Variants in VANGL1 observed in about 807,000 individuals in gnomAD.
VANGL1 encodes the protein VANGL planar cell polarity protein 1.
In VANGL1, 18 loss-of-function variants were observed where a neutral mutation model predicts 48.4. The ratio of observed to expected loss-of-function variants is 0.37; its 90% CI spans 0.26 to 0.55. The LOEUF (loss-of-function observed/expected upper bound fraction) is 0.55. Ranked by LOEUF, VANGL1 falls within the 20% of genes least tolerant of loss-of-function variation. The probability of loss-of-function intolerance (pLI) is 0.81; values close to 1 mark genes in which losing one functional copy is unlikely to be tolerated. For synonymous variants in VANGL1, 257 were observed against 261.8 expected (o/e 0.98, Z 0.18); for missense variants, 667 against 675.8 (o/e 0.99, Z 0.14).
At chr1:115,652,916 T>A (rs1161348409) in intron 2 of VANGL1, among the ~76,000 whole-genome samples, 3 of 152,232 alleles carry the variant, frequency 2.0e-5, no homozygotes, top group Non-Finnish European at 4.4e-5. Flanking sequence ...GTTCAATTTT[T>A]TTTACAAGTG....
chr1:115,677,053 CT>C (rs1236503346), intron 4 of VANGL1, among the ~76,000 whole-genome samples: 3 of 152,218 alleles, frequency 2.0e-5, no homozygotes, highest in Non-Finnish European at 4.4e-5. Context: ...CTGTGCGTGC[CT>C]CCTCCCACAG....
chr1:115,682,641 T>G, intron 5 of VANGL1, 144 bp downstream of exon 5: 2 of 1,290,450 alleles, frequency 1.5e-6, no homozygotes, highest in Non-Finnish European at 2.2e-6. Context: ...CTCTTTTTTA[T>G]GTAGGCAGAC....
At position 115,664,000 on chromosome 1, in the gene VANGL1, G is replaced by C. The variant is rs1182365086; in HGVS notation, c.544G>C (p.Val182Leu). Residue 182 changes from valine to leucine, a missense_variant, in exon 4 of 8, where the codon GTG becomes CTG. Transcript: ENST00000355485. ...CAAGCGGAGAGCTGACATGCCACGG[G>C]TGTTTGTGTTTCGTGCCCTTTTGTT... ...FRKRRADMPR[V>L]FVFRALLLVL... 3 of 1,614,188 alleles carry C rather than the reference G, an allele frequency of 1.9e-6. No homozygotes were observed. The highest frequency in any genetic ancestry group is 2.5e-6 in the Non-Finnish European group (3 of 1,180,044).
chr1:115,652,897 T>A (rs967554227), intron 2 of VANGL1, among the ~76,000 whole-genome samples: 8 of 152,224 alleles, frequency 5.3e-5, no homozygotes, highest in African/African-American at 1.9e-4. Flanking sequence ...CATTTATCTT[T>A]TTGTACTTGT....
chr1:115,659,297 A>G (rs1284483572), intron 2 of VANGL1, among the ~76,000 whole-genome samples: 1 of 152,206 alleles, frequency 6.6e-6, no homozygotes, highest in Non-Finnish European at 1.5e-5. Flanking sequence ...TTATAACCAA[A>G]TCAAATCACT....
At chr1:115,661,672 C>T (rs1010623333) in intron 3 of VANGL1, among the ~76,000 whole-genome samples, 11 of 152,118 alleles carry the variant, frequency 7.2e-5, no homozygotes, top group Admixed American at 5.9e-4. Context: ...GGCTGGAGTG[C>T]AGCGGCATGA....
chr1:115,673,175 T>C (rs1570759815), intron 4 of VANGL1, among the ~76,000 whole-genome samples: 1 of 152,180 alleles, frequency 6.6e-6, no homozygotes, highest in South Asian at 2.1e-4. Flanking sequence ...TGGGCAGCCG[T>C]CAGTACTGGC....
Position 115,688,261 on chromosome 1 carries a change from C to T in VANGL1, c.1314+2734C>T, listed in dbSNP as rs1173073596. On this transcript the variant is annotated intron_variant, in intron 7 of 7. Coordinates refer to ENST00000355485, the MANE Select transcript of VANGL1 (RefSeq NM_138959.3). ...TATAACTCATTTCTGGTAATAGCTA[C>T]GTCTTATTCTACCAAATACCATGAT... 2.2e-5 allele frequency among the ~76,000 whole-genome samples: 3 copies of T among 138,258 alleles called. 1 individual carries two copies. Among genetic ancestry groups the T allele is most frequent in the African/African-American group, 5.4e-5 (2 of 36,766 alleles). 90.7% of individuals were successfully genotyped at this position (138,258 alleles called of 152,430 possible). A position where few individuals can be genotyped will look rare whatever the true frequency, so the allele number is the denominator to read the frequency against.
chr1:115,664,197 G>C lies in VANGL1; in HGVS notation c.741G>C (p.Gln247His), dbSNP rs1338394124. ...AIVLLELRQL[Q>H]PMFTLQVVRS... Reference sequence around the variant, plus strand: ...TCCTGCTGGAGCTCAGGCAGCTGCAGCCCATGTTCACGCTGCAGGTGGTCC... The same window carrying C: ...TCCTGCTGGAGCTCAGGCAGCTGCACCCCATGTTCACGCTGCAGGTGGTCC... Residue 247 changes from glutamine to histidine, a missense_variant, in exon 4 of 8, where the codon CAG becomes CAC. Physicochemically the swap from Gln to His is conservative, Grantham distance 24. Coordinates refer to ENST00000355485, the MANE Select transcript of VANGL1 (RefSeq NM_138959.3). 1 of 1,614,146 alleles carries C rather than the reference G, an allele frequency of 6.2e-7. No homozygotes were observed. Among genetic ancestry groups the C allele is most frequent in the African/African-American group, 1.3e-5 (1 of 75,068 alleles).
intron 1 of VANGL1, chr1:115,642,575 G>C (rs1336960658): frequency 1.3e-5 from 2 of 152,232 alleles, no homozygotes; most frequent in Non-Finnish European, 2.9e-5. Context: ...GCTCGACCCG[G>C]GCGCCGCCTG....
rs778250788 is a variant in VANGL1 at position 115,663,681 on chromosome 1, C to T, written c.225C>T (p.Thr75=). ...ACCAGGATGACAACTGGGGAGAGAC[C>T]ACCACGGCCATCACAGGCACCTCGG... is the stretch of plus-strand genomic sequence containing the variant. ...EEVQDDNWGE[T]TTAITGTSEH... The change falls in exon 4 of 8, where the codon ACC becomes ACT. Residue 75 remains threonine (T), a synonymous_variant. Coordinates refer to ENST00000355485, the MANE Select transcript of VANGL1 (RefSeq NM_138959.3). 1 of 1,614,118 alleles carries T rather than the reference C, an allele frequency of 6.2e-7. No homozygotes were observed. Among genetic ancestry groups the T allele is most frequent in the East Asian group, 2.2e-5 (1 of 44,868 alleles).
chr1:115,683,861 C>A, intron 5 of VANGL1, 83 bp from the exon 6 acceptor site: 2 of 1,562,662 alleles, frequency 1.3e-6, no homozygotes, highest in Non-Finnish European at 1.8e-6. Flanking sequence ...GTAGACAACA[C>A]TGACAGATTG....
rs1654090199 is a variant in VANGL1 at position 115,698,023 on chromosome 1, A to G, written c.*6644A>G. 1 of 152,196 alleles carries G rather than the reference A, an allele frequency of 6.6e-6. No individual in the cohort carries two copies. Among genetic ancestry groups the G allele is most frequent in the Non-Finnish European group, 1.5e-5 (1 of 68,032 alleles). The allele number at this position is 152,196 out of a possible 1,614,324, so 9.4% of individuals were successfully genotyped here. The stretch of plus-strand genomic sequence containing the variant: ...CCATTTACTTACATTCATAAGGTTT[A>G]TGCTATGAAACTTCTTCTCATTGTG... On this transcript the variant is annotated 3_prime_UTR_variant, in exon 8 of 8. Coordinates refer to ENST00000355485, the MANE Select transcript of VANGL1 (RefSeq NM_138959.3).
At chr1:115,642,415 G>A (rs1651765978) in intron 1 of VANGL1, among the ~76,000 whole-genome samples, 1 of 152,168 alleles carries the variant, frequency 6.6e-6, no homozygotes, top group South Asian at 2.1e-4. Flanking sequence ...TTTCTCCCCG[G>A]GCTGGCCTTT....
chr1:115,663,345 A>G (rs535266435), intron 3 of VANGL1, among the ~76,000 whole-genome samples: 6 of 152,322 alleles, frequency 3.9e-5, no homozygotes, highest in Non-Finnish European at 8.8e-5. Flanking sequence ...AAACAGCTCC[A>G]GGCCCTCAGA....
chr1:115,697,429 C>T lies in VANGL1; in HGVS notation c.*6050C>T, dbSNP rs1388939201. ...CGGTAGGCTTTAATTAAATGGCAAA[C>T]TCCTCTGGGACCCCTAAGTTATGGC... On this transcript the variant is annotated 3_prime_UTR_variant, in exon 8 of 8. Transcript: ENST00000355485. 1.3e-5 allele frequency: 2 copies of T among 152,192 alleles called. No homozygotes were observed. The highest frequency in any genetic ancestry group is 4.8e-5 in the African/African-American group (2 of 41,450). The allele number at this position is 152,192 out of a possible 1,614,324, so 9.4% of individuals were successfully genotyped here. A position where few individuals can be genotyped will look rare whatever the true frequency, so the allele number is the denominator to read the frequency against.
In VANGL1 at chr1:115,696,391, C is replaced by T. The variant is rs1654030234; in HGVS notation, c.*5012C>T. Reference sequence around the variant, plus strand: ...TCCCACCGTCTTTCTCACACTTGCCCCCAAGACTTTTGACAGAGCAGACGT... The same window carrying T: ...TCCCACCGTCTTTCTCACACTTGCCTCCAAGACTTTTGACAGAGCAGACGT... On this transcript the variant is annotated 3_prime_UTR_variant, in exon 8 of 8. Transcript: ENST00000355485. 2.0e-5 allele frequency: 3 copies of T among 152,228 alleles called. No homozygotes were observed. Among genetic ancestry groups the T allele is most frequent in the South Asian group, 4.1e-4 (2 of 4,824 alleles). The allele number at this position is 152,228 out of a possible 1,614,324, so 9.4% of individuals were successfully genotyped here.
Position 115,693,367 on chromosome 1 carries a change from T to C in VANGL1, c.*1988T>C, listed in dbSNP as rs1653918094. The C allele has an allele frequency of 6.6e-6, 1 of 152,624 alleles. No individual in the cohort carries two copies. The highest frequency in any genetic ancestry group is 1.5e-5 in the Non-Finnish European group (1 of 68,040). The allele number at this position is 152,624 out of a possible 1,614,324, so 9.5% of individuals were successfully genotyped here. On this transcript the variant is annotated 3_prime_UTR_variant, in exon 8 of 8. Transcript: ENST00000355485. ...TGCAGTTCCAAGTGCCATAAGTGTA[T>C]GTACATATAGTTAATAATGACACTG...
At chr1:115,668,063 T>G (rs1276312794) in intron 4 of VANGL1, among the ~76,000 whole-genome samples, 1 of 152,322 alleles carries the variant, frequency 6.6e-6, no homozygotes, top group African/African-American at 2.4e-5. Context: ...TAGGTTCTGG[T>G]AGCCTCCTTT....
Sources: allele counts gnomAD v4.1 joint callset (sites outside exome capture counted in the v4.1 genomes callset), GRCh38; gene constraint gnomAD v4.1.1; transcripts MANE v1.5; gene names NCBI Gene and HGNC (gene_info 2026-07-23, HGNC 2026-07-21).